The following ABLIM1 variants were observed in gnomAD, a reference collection of about 807,000 sequenced individuals.
The protein encoded by ABLIM1 is actin binding LIM protein 1.
A neutral mutation model predicts 107.0 loss-of-function variants in ABLIM1; 40 were observed. That is an observed-to-expected ratio of 0.37 (90% CI 0.29 to 0.49). ABLIM1 has a LOEUF of 0.49. Among genes scored for constraint, ABLIM1 ranks in the 20% least tolerant of loss-of-function variants. ABLIM1 has a pLI of 0.97. For synonymous variants in ABLIM1, 357 were observed against 357.3 expected (o/e 1.00, Z 0.01); for missense variants, 857 against 1,008.5 (o/e 0.85, Z 2.04).
At position 114,631,844 on chromosome 10, in the gene ABLIM1, C is replaced by G. The variant is rs760774946; in HGVS notation, c.244+26113G>C. The G allele has an allele frequency of 2.3e-6, 3 of 1,297,412 alleles. No individual in the cohort carries two copies. In the African/African-American group the frequency reaches 4.6e-5, roughly 20 times the overall value. The allele number at this position is 1,297,412 out of a possible 1,614,324, so 80.4% of individuals were successfully genotyped here. On this transcript the variant is annotated intron_variant, in intron 1 of 22. Coordinates refer to ENST00000533213, the MANE Select transcript of ABLIM1 (RefSeq NM_002313.7). ...GATCATTCCCCGTTAGGTGGCCGAG[C>G]CCTGCGGTGCCATTCCAACTTCTGC... is the stretch of plus-strand genomic sequence containing the variant.
At chr10:114,519,573 A>C (rs956153844) in intron 6 of ABLIM1, among the ~76,000 whole-genome samples, 1 of 152,206 alleles carries the variant, frequency 6.6e-6, no homozygotes, top group Non-Finnish European at 1.5e-5. Flanking sequence ...TGCAAACCAC[A>C]AGACATATTT....
At chr10:114,681,995 T>C (rs2080769906) in intron 1 of ABLIM1, among the ~76,000 whole-genome samples, 1 of 152,200 alleles carries the variant, frequency 6.6e-6, no homozygotes, top group Non-Finnish European at 1.5e-5. Context: ...AACCTAAAAG[T>C]AGTGCTAATC....
chr10:114,652,055 T>TG, intron 1 of ABLIM1, among the ~76,000 whole-genome samples: 1 of 152,308 alleles, frequency 6.6e-6, no homozygotes. Context: ...TCCCAGGATG[T>TG]ATTTTTTATG....
chr10:114,586,101 G>A (rs1305081228), intron 2 of ABLIM1, among the ~76,000 whole-genome samples: 3 of 152,180 alleles, frequency 2.0e-5, no homozygotes, highest in African/African-American at 7.2e-5. Context: ...CTTTAAGCCA[G>A]TAATTCCATC....
At chr10:114,522,825 C>G (rs1475274129) in intron 6 of ABLIM1, among the ~76,000 whole-genome samples, 2 of 152,210 alleles carry the variant, frequency 1.3e-5, no homozygotes, top group Non-Finnish European at 2.9e-5. Context: ...AAGAAAGGCT[C>G]ACGCTTGCTC....
chr10:114,526,608 T>C lies in ABLIM1; in HGVS notation c.894+18397A>G, dbSNP rs1230256490. On this transcript the variant is annotated intron_variant, in intron 6 of 22. Transcript: ENST00000533213. ...CACGAAGGAAGCCAGAAATCTCACATCTGCCACGCAAAGCAAAGGACATAG... is the reference window on the plus strand; with the variant it reads ...CACGAAGGAAGCCAGAAATCTCACACCTGCCACGCAAAGCAAAGGACATAG... The C allele has an allele frequency of 3.0e-6, 3 of 985,224 alleles. No homozygotes were observed. The African/African-American group carries it at 5.2e-5, about 17-fold the overall frequency. The allele number at this position is 985,224 out of a possible 1,614,324, so 61.0% of individuals were successfully genotyped here. A position where few individuals can be genotyped will look rare whatever the true frequency, so the allele number is the denominator to read the frequency against.
Position 114,600,628 on chromosome 10 carries a change from CAAAAT to C in ABLIM1, c.379+1194_379+1198del, listed in dbSNP as rs2075887290. Among the ~76,000 whole-genome samples the C allele has an allele frequency of 2.0e-5, 3 of 152,060 alleles. No homozygotes were observed. The South Asian group carries it at 6.2e-4, about 32-fold the overall frequency. The stretch of plus-strand genomic sequence containing the variant: ...CTAAGTCTTTGTGACGTATGACACT[CAAAAT>C]GAAACCCAGTTTCCAGAAATGAAGG... On this transcript the variant is annotated intron_variant, in intron 2 of 22. Transcript: ENST00000533213.
intron 3 of ABLIM1, among the ~76,000 whole-genome samples, chr10:114,573,973 A>G (rs2072084598): frequency 6.6e-6 from 1 of 152,216 alleles, no homozygotes; most frequent in African/African-American, 2.4e-5. Context: ...AGAATTATTA[A>G]ATTATGATTT....
intron 12 of ABLIM1, chr10:114,463,111 T>C (rs1427182477): frequency 8.3e-6 from 11 of 1,326,296 alleles, no homozygotes; most frequent in Non-Finnish European, 1.1e-5. Flanking sequence ...TGGGTGGGGC[T>C]GAGGCTGCTG....
chr10:114,644,306 A>AATATATATATATATAT (rs1244613103), intron 1 of ABLIM1, among the ~76,000 whole-genome samples: 10 of 52,252 alleles, frequency 1.9e-4, no homozygotes, highest in African/African-American at 7.4e-4. Flanking sequence ...AAAAAAAAAA[A>AATATATATATATATAT]ATATATATAT....
At chr10:114,545,280 C>T (rs900414466) in intron 5 of ABLIM1, among the ~76,000 whole-genome samples, 182 bp from the exon 6 acceptor site, 4 of 152,152 alleles carry the variant, frequency 2.6e-5, no homozygotes, top group African/African-American at 7.2e-5. Flanking sequence ...ACAAACAAAA[C>T]GATCCAGAGA....
chr10:114,523,628 T>A (rs1445337265), intron 6 of ABLIM1, among the ~76,000 whole-genome samples: 2 of 152,190 alleles, frequency 1.3e-5, no homozygotes, highest in Admixed American at 1.3e-4. Context: ...TCTTCCTGCA[T>A]CCTTCAAAGA....
At chr10:114,561,899 G>C (rs1380085062) in intron 4 of ABLIM1, among the ~76,000 whole-genome samples, 1 of 152,164 alleles carries the variant, frequency 6.6e-6, no homozygotes, top group Non-Finnish European at 1.5e-5. Flanking sequence ...TTGAAACTTA[G>C]ATAATCCAGG....
the ABLIM1 span, among the ~76,000 whole-genome samples, chr10:114,796,048 C>G: frequency 6.6e-6 from 1 of 152,300 alleles, no homozygotes; most frequent in East Asian, 1.9e-4. Context: ...TATGTGTGAT[C>G]TTACAGAACC....
At chr10:114,516,520 T>C (rs903817203) in intron 6 of ABLIM1, among the ~76,000 whole-genome samples, 5 of 151,920 alleles carry the variant, frequency 3.3e-5, no homozygotes. Flanking sequence ...CAAGACTCTG[T>C]CTCCAAAAAA....
chr10:114,785,928 C>T, the ABLIM1 span, among the ~76,000 whole-genome samples: 8 of 152,260 alleles, frequency 5.3e-5, no homozygotes, highest in Non-Finnish European at 1.0e-4. Context: ...GAGGTTTCAC[C>T]GTGTTGGCCA....
At chr10:114,624,198 C>G (rs143374109) in intron 1 of ABLIM1, among the ~76,000 whole-genome samples, 1 of 152,210 alleles carries the variant, frequency 6.6e-6, no homozygotes, top group African/African-American at 2.4e-5. Flanking sequence ...GATCACTGAA[C>G]CTTCTGAAAA....
chr10:114,470,490 T>C (rs771460098), intron 10 of ABLIM1, among the ~76,000 whole-genome samples: 16 of 150,424 alleles, frequency 1.1e-4, no homozygotes, highest in Non-Finnish European at 2.1e-4. Flanking sequence ...TAAACTTTAA[T>C]GGAATAAATA....
At chr10:114,789,632 C>A in the ABLIM1 span, among the ~76,000 whole-genome samples, 1 of 152,094 alleles carries the variant, frequency 6.6e-6, no homozygotes, top group Non-Finnish European at 1.5e-5. Flanking sequence ...TGGTGTGAGA[C>A]GGTATCTCAT....
Sources: gnomAD v4.1 joint callset for allele counts (sites outside exome capture counted in the v4.1 genomes callset) on GRCh38, gnomAD v4.1.1 for gene constraint, MANE v1.5 for transcripts, NCBI Gene and HGNC (gene_info 2026-07-23, HGNC 2026-07-21) for gene names.